CRIM1: variants seen among roughly 807,000 people sequenced by gnomAD.
The protein encoded by CRIM1 is cysteine-rich motor neuron 1 protein.
CRIM1 carries 32 observed loss-of-function variants against 116.4 expected under a neutral mutation model. The observed-to-expected ratio is 0.27, with a 90% CI of 0.21 to 0.37. The LOEUF is 0.37. Among genes scored for constraint, CRIM1 ranks in the 10% least tolerant of loss-of-function variants. The probability of loss-of-function intolerance (pLI) is 1.00; values close to 1 mark genes in which losing one functional copy is unlikely to be tolerated. For missense variants in CRIM1, 1,331 were observed against 1,354.8 expected (o/e 0.98, Z 0.28); for synonymous variants, 590 against 509.2 (o/e 1.16, Z -2.13).
intron 2 of CRIM1, among the ~76,000 whole-genome samples, chr2:36,412,244 C>A (rs938634664): frequency 6.8e-6 from 1 of 146,412 alleles, no homozygotes; most frequent in Admixed American, 6.9e-5. Context: ...AGGGGAGTAG[C>A]TGTTAACTTG....
chr2:36,523,300 T>C (rs1208885590), intron 13 of CRIM1, among the ~76,000 whole-genome samples: 1 of 152,246 alleles, frequency 6.6e-6, no homozygotes, highest in African/African-American at 2.4e-5. Context: ...GGATTCTGTT[T>C]CAACCACGTG....
chr2:36,522,883 C>T (rs72866893), intron 13 of CRIM1, among the ~76,000 whole-genome samples: 2 of 151,384 alleles, frequency 1.3e-5, no homozygotes, highest in African/African-American at 4.9e-5. Flanking sequence ...CTGTCGTGTT[C>T]TATCGGGGTC....
intron 5 of CRIM1, among the ~76,000 whole-genome samples, chr2:36,468,772 A>G (rs1039175872): frequency 1.4e-4 from 21 of 152,176 alleles, no homozygotes; most frequent in African/African-American, 4.8e-4. Context: ...TGTCTTACAC[A>G]TGGCCCACCT....
chr2:36,360,456 A>G (rs1310162747), intron 1 of CRIM1, among the ~76,000 whole-genome samples: 1 of 152,212 alleles, frequency 6.6e-6, no homozygotes, highest in East Asian at 1.9e-4. Flanking sequence ...GACCTCTTTC[A>G]GAACGCAATC....
intron 4 of CRIM1, among the ~76,000 whole-genome samples, chr2:36,443,347 C>T (rs1676004895): frequency 6.6e-6 from 1 of 152,132 alleles, no homozygotes; most frequent in Admixed American, 6.5e-5. Flanking sequence ...ATCTCCGGGT[C>T]CTGTCCTTTT....
intron 13 of CRIM1, among the ~76,000 whole-genome samples, chr2:36,526,859 C>A (rs1184882517): frequency 6.6e-6 from 1 of 152,166 alleles, no homozygotes; most frequent in Non-Finnish European, 1.5e-5. Flanking sequence ...CTGCATCATA[C>A]CTGTTGACTT....
Position 36,401,562 on chromosome 2 carries a change from G to A in CRIM1, c.505+4775G>A, listed in dbSNP as rs1002586810. 3.9e-5 allele frequency among the ~76,000 whole-genome samples: 6 copies of A among 152,252 alleles called. No homozygotes were observed. In the South Asian group the frequency reaches 8.3e-4, roughly 21 times the overall value. On this transcript the variant is annotated intron_variant, in intron 2 of 16. Transcript: ENST00000280527. ...TAAAAGCAGTGCCAGCCTCTATAGC[G>A]CCAGCCTCTGCAGCTGCCACAGGTG...
At chr2:36,501,526 C>G (rs1680993255) in intron 8 of CRIM1, among the ~76,000 whole-genome samples, 1 of 151,954 alleles carries the variant, frequency 6.6e-6, no homozygotes, top group East Asian at 1.9e-4. Flanking sequence ...CGAAACCAGC[C>G]TGGGCAACAT....
intron 4 of CRIM1, among the ~76,000 whole-genome samples, chr2:36,447,293 A>C (rs1676320040): frequency 6.6e-6 from 1 of 152,208 alleles, no homozygotes; most frequent in African/African-American, 2.4e-5. Flanking sequence ...TTTTGATAAC[A>C]ATGTTTTGTT....
chr2:36,445,553 C>G lies in CRIM1; in HGVS notation c.869+2818C>G, dbSNP rs758798401. On this transcript the variant is annotated intron_variant, in intron 4 of 16. Coordinates refer to ENST00000280527, the MANE Select transcript of CRIM1 (RefSeq NM_016441.3). ...AATTGTCGAATGCGTGAAGTCTTGTCTTATCAGCTATACGATGTTCCTAAA... is the reference window on the plus strand; with the variant it reads ...AATTGTCGAATGCGTGAAGTCTTGTGTTATCAGCTATACGATGTTCCTAAA... 6.6e-5 allele frequency among the ~76,000 whole-genome samples: 10 copies of G among 152,212 alleles called. No homozygotes were observed. In the East Asian group the frequency reaches 1.2e-3, roughly 18 times the overall value.
At chr2:36,500,011 T>A (rs1439409079) in intron 8 of CRIM1, among the ~76,000 whole-genome samples, 2 of 152,042 alleles carry the variant, frequency 1.3e-5, no homozygotes, top group African/African-American at 4.8e-5. Flanking sequence ...TGTCTTTACA[T>A]AAAATATGGC....
At chr2:36,531,004 A>G (rs75723370) in intron 13 of CRIM1, among the ~76,000 whole-genome samples, 249 of 152,266 alleles carry the variant, frequency 1.6e-3, no homozygotes, top group African/African-American at 5.6e-3. Flanking sequence ...CCTTGATCTC[A>G]ATGTGTGGGA....
Position 36,479,517 on chromosome 2 carries a change from A to C in CRIM1, c.1195A>C (p.Asn399His). 6.2e-7 allele frequency: 1 copy of C among 1,614,200 alleles called. No homozygotes were observed. Among genetic ancestry groups the C allele is most frequent in the Non-Finnish European group, 8.5e-7 (1 of 1,180,024 alleles). ...TTTAGATCCAGTGTATCCTTTTAAT[A>C]ATCCCGCTGGCTGCTATGCCAATGG... ...VCEDPVYPFNNPAGCYANGLI... is the reference protein window; with the variant it reads ...VCEDPVYPFNHPAGCYANGLI... Residue 399 changes from asparagine to histidine, a missense_variant, in exon 7 of 17, where the codon AAT (asparagine) becomes CAT (histidine). Asn to His is a moderately conservative substitution (Grantham distance 68, BLOSUM62 1). Coordinates refer to ENST00000280527, the MANE Select transcript of CRIM1 (RefSeq NM_016441.3).
chr2:36,391,517 AT>A (rs561102542), intron 1 of CRIM1, among the ~76,000 whole-genome samples: 2 of 152,000 alleles, frequency 1.3e-5, no homozygotes, highest in South Asian at 2.1e-4. Context: ...CCATTTTCCT[AT>A]TTACCAGTTA....
At chr2:36,399,144 T>A (rs1013202168) in intron 2 of CRIM1, among the ~76,000 whole-genome samples, 1 of 152,136 alleles carries the variant, frequency 6.6e-6, no homozygotes, top group Non-Finnish European at 1.5e-5. Context: ...AAATAAAGAT[T>A]GGAGGGAGGA....
rs11309348 is a variant in CRIM1, at chr2:36,548,906, GT to G, written c.*209del. 0.32 allele frequency: 113,291 copies of G among 356,636 alleles called. 18,668 individuals carry two copies. Among genetic ancestry groups the G allele is most frequent in the South Asian group, 0.46 (3,853 of 8,300 alleles). 22.1% of individuals were successfully genotyped at this position (356,636 alleles called of 1,614,324 possible). On this transcript the variant is annotated 3_prime_UTR_variant, in exon 17 of 17. Transcript: ENST00000280527. ...TTTTCCTCAAGATAACTGACCAAGT[GT>G]TTTCTTAGAACCAAAGTTTTTAAAG...
At chr2:36,537,608 G>A (rs1249861777) in intron 14 of CRIM1, 62 bp downstream of exon 14, 3 of 1,475,898 alleles carry the variant, frequency 2.0e-6, no homozygotes, top group South Asian at 1.4e-5. Flanking sequence ...TGAAATCGAA[G>A]CAGAGCTCGA....
chr2:36,425,891 C>G (rs1345400551), intron 2 of CRIM1, among the ~76,000 whole-genome samples: 1 of 152,222 alleles, frequency 6.6e-6, no homozygotes, highest in Non-Finnish European at 1.5e-5. Flanking sequence ...AACAGTGACC[C>G]AGAGGATCCA....
intron 5 of CRIM1, 67 bp downstream of exon 5, chr2:36,464,722 A>G (rs1029441565): frequency 7.0e-6 from 11 of 1,574,344 alleles, no homozygotes; most frequent in Admixed American, 6.7e-5. Context: ...GGAGGGTTCA[A>G]CTTAGCTGCT....
Sources: gnomAD v4.1 joint callset for allele counts (sites outside exome capture counted in the v4.1 genomes callset) on GRCh38, gnomAD v4.1.1 for gene constraint, MANE v1.5 for transcripts, NCBI Gene and HGNC (gene_info 2026-07-23, HGNC 2026-07-21) for gene names.